ERBB4: variants seen among roughly 807,000 people sequenced by gnomAD.
ERBB4 encodes receptor tyrosine-protein kinase erbB-4.
Under a neutral mutation model 158.0 loss-of-function variants are expected in ERBB4, and 42 were observed. The observed-to-expected ratio is 0.27, with a 90% confidence interval of 0.21 to 0.34. The LOEUF is 0.34. Ranked by LOEUF, ERBB4 falls within the 10% of genes least tolerant of loss-of-function variation. The pLI is 1.00. For synonymous variants in ERBB4, 583 were observed against 558.7 expected, an observed-to-expected ratio of 1.04 and a Z score of -0.61; for missense variants, 1,333 against 1,624.1, an observed-to-expected ratio of 0.82 and a Z score of 3.08.
At chr2:212,404,036 T>C (rs1423552682) in intron 1 of ERBB4, among the ~76,000 whole-genome samples, 1 of 151,960 alleles carries the variant, frequency 6.6e-6, no homozygotes, top group Non-Finnish European at 1.5e-5. Context: ...AACTACTTAA[T>C]AAGAGCCATC....
intron 1 of ERBB4, among the ~76,000 whole-genome samples, chr2:212,190,501 C>A (rs2082155849): frequency 6.7e-6 from 1 of 149,468 alleles, no homozygotes; most frequent in Non-Finnish European, 1.5e-5. Flanking sequence ...CGTGCCATTG[C>A]ACTCCAGCCT....
chr2:212,405,871 G>A (rs1014457719), intron 1 of ERBB4, among the ~76,000 whole-genome samples: 4 of 152,044 alleles, frequency 2.6e-5, no homozygotes, highest in Admixed American at 1.3e-4. Context: ...ATACAACACT[G>A]ATGTAAATCA....
chr2:211,641,382 CT>C (rs2070582267), intron 16 of ERBB4, among the ~76,000 whole-genome samples: 1 of 151,792 alleles, frequency 6.6e-6, no homozygotes, highest in Non-Finnish European at 1.5e-5. Flanking sequence ...TTTTACTGAC[CT>C]TTTGAGATCA....
chr2:211,727,425 T>A (rs563404620), intron 5 of ERBB4, among the ~76,000 whole-genome samples: 1 of 152,234 alleles, frequency 6.6e-6, no homozygotes, highest in South Asian at 2.1e-4. Context: ...TTTTCAGTGA[T>A]AAACACAGGG....
intron 2 of ERBB4, among the ~76,000 whole-genome samples, chr2:212,116,011 A>G (rs1352599014): frequency 1.3e-5 from 2 of 152,138 alleles, no homozygotes; most frequent in African/African-American, 4.8e-5. Context: ...GGGCTAAAAA[A>G]ACTTTTTGCA....
intron 3 of ERBB4, among the ~76,000 whole-genome samples, chr2:211,945,935 A>G (rs952031971): frequency 5.3e-5 from 8 of 152,036 alleles, no homozygotes; most frequent in African/African-American, 1.9e-4. Flanking sequence ...TGAAAACACA[A>G]TGCTTCCTAT....
At chr2:212,391,617 A>G (rs1313538877) in intron 1 of ERBB4, among the ~76,000 whole-genome samples, 2 of 144,418 alleles carry the variant, frequency 1.4e-5, no homozygotes, top group African/African-American at 5.1e-5. Context: ...TGAATATTAT[A>G]TGTCAATATA....
intron 3 of ERBB4, among the ~76,000 whole-genome samples, chr2:211,886,079 A>G (rs1218477795): frequency 6.6e-6 from 1 of 152,210 alleles, no homozygotes; most frequent in African/African-American, 2.4e-5. Flanking sequence ...GCAAAGAGCA[A>G]TAAGTTCTTT....
chr2:211,965,821 A>G (rs2081295676), intron 2 of ERBB4, among the ~76,000 whole-genome samples: 2 of 152,346 alleles, frequency 1.3e-5, no homozygotes, highest in South Asian at 2.1e-4. Flanking sequence ...ACCTTTATTT[A>G]TATATGAAAG....
Position 211,441,027 on chromosome 2 carries a change from C to T in ERBB4, c.2488-9927G>A, listed in dbSNP as rs1019589504. 2.6e-5 allele frequency among the ~76,000 whole-genome samples: 4 copies of T among 152,286 alleles called. No individual in the cohort carries two copies. The East Asian group carries it at 7.7e-4, about 29-fold the overall frequency. ...AAGTCACCCAGCCACTTCCAAACTT[C>T]CTGATCTGCCCCATGCCCTCCTTCC... On this transcript the variant is annotated intron_variant, in intron 20 of 27. Transcript: ENST00000342788.
At chr2:212,315,800 A>C (rs2087246916) in intron 1 of ERBB4, among the ~76,000 whole-genome samples, 1 of 151,458 alleles carries the variant, frequency 6.6e-6, no homozygotes, top group Admixed American at 6.6e-5. Context: ...TCTGATGCCA[A>C]AGGAGAGATG....
intron 1 of ERBB4, among the ~76,000 whole-genome samples, chr2:212,495,772 G>A (rs1690531255): frequency 6.6e-6 from 1 of 152,106 alleles, no homozygotes; most frequent in Non-Finnish European, 1.5e-5. Context: ...ATGTCATACA[G>A]GTACAGAATT....
At chr2:212,522,155 T>G (rs1230017524) in intron 1 of ERBB4, among the ~76,000 whole-genome samples, 1 of 152,020 alleles carries the variant, frequency 6.6e-6, no homozygotes, top group African/African-American at 2.4e-5. Context: ...GCCTAGGCAT[T>G]GCTGATCAGC....
intron 1 of ERBB4, among the ~76,000 whole-genome samples, chr2:212,199,849 T>C (rs557479767): frequency 2.7e-5 from 4 of 148,048 alleles, no homozygotes; most frequent in East Asian, 3.9e-4. Context: ...TCAGAATTCA[T>C]TGACTGCCAG....
chr2:211,954,710 T>C (rs2080980926), intron 2 of ERBB4, among the ~76,000 whole-genome samples: 1 of 152,036 alleles, frequency 6.6e-6, no homozygotes, highest in Non-Finnish European at 1.5e-5. Flanking sequence ...AATTTATGTG[T>C]TCTCTGACGG....
intron 7 of ERBB4, among the ~76,000 whole-genome samples, chr2:211,717,522 G>C (rs2073956628): frequency 1.3e-5 from 2 of 152,098 alleles, no homozygotes; most frequent in Admixed American, 6.5e-5. Context: ...TGTTTTCAAA[G>C]CCTTTTTAAA....
intron 3 of ERBB4, among the ~76,000 whole-genome samples, chr2:211,843,054 G>A (rs968010571): frequency 2.0e-5 from 3 of 152,092 alleles, no homozygotes; most frequent in African/African-American, 7.2e-5. Flanking sequence ...AGCACTAACA[G>A]CTATTGAAGT....
chr2:211,734,909 CAAAAA>C (rs570006497), intron 5 of ERBB4, among the ~76,000 whole-genome samples: 1 of 69,306 alleles, frequency 1.4e-5, no homozygotes, highest in Non-Finnish European at 2.6e-5. Context: ...GAGACTCTGT[CAAAAA>C]AAAAAAAAAA....
intron 2 of ERBB4, among the ~76,000 whole-genome samples, chr2:211,993,920 A>G (rs1438193046): frequency 3.3e-5 from 5 of 151,818 alleles, no homozygotes; most frequent in African/African-American, 1.2e-4. Context: ...TTTTATAATT[A>G]TATGTTTAAT....
Sources: gnomAD v4.1 joint callset for allele counts (sites outside exome capture counted in the v4.1 genomes callset) on GRCh38, gnomAD v4.1.1 for gene constraint, MANE v1.5 for transcripts, NCBI Gene and HGNC (gene_info 2026-07-23, HGNC 2026-07-21) for gene names.